Variants in SMOC1 observed in about 807,000 individuals in gnomAD.
SMOC1 encodes SPARC-related modular calcium-binding protein 1.
A neutral mutation model predicts 56.3 loss-of-function variants in SMOC1; 22 were observed. The observed-to-expected ratio is 0.39, with a 90% CI of 0.28 to 0.56. The LOEUF (loss-of-function observed/expected upper bound fraction) is 0.56. SMOC1 is among the 20% of genes least tolerant of loss of function. The pLI is 0.61. For missense variants in SMOC1, 509 were observed against 565.4 expected (o/e 0.90, Z 1.01); for synonymous variants, 193 against 215.0 (o/e 0.90, Z 0.89).
At chr14:69,934,433 C>T (rs561026680) in intron 1 of SMOC1, among the ~76,000 whole-genome samples, 3 of 152,260 alleles carry the variant, frequency 2.0e-5, no homozygotes, top group Admixed American at 6.5e-5. Flanking sequence ...CTCATATTTT[C>T]GTCCTGCTAT....
intron 1 of SMOC1, among the ~76,000 whole-genome samples, chr14:69,889,393 T>C (rs1301958968): frequency 6.6e-6 from 1 of 152,216 alleles, no homozygotes; most frequent in Admixed American, 6.5e-5. Flanking sequence ...AAGAATCATT[T>C]GCTTACCCCT....
At chr14:69,989,351 G>C (rs893982010) in intron 5 of SMOC1, among the ~76,000 whole-genome samples, 1 of 152,176 alleles carries the variant, frequency 6.6e-6, no homozygotes, top group Non-Finnish European at 1.5e-5. Flanking sequence ...TGAAATGTCT[G>C]TCAAAATATG....
At chr14:69,971,729 CATCA>C (rs1281584048) in intron 3 of SMOC1, among the ~76,000 whole-genome samples, 1 of 152,154 alleles carries the variant, frequency 6.6e-6, no homozygotes, top group African/African-American at 2.4e-5. Context: ...ATATAGAAAC[CATCA>C]ATTCAAAGAA....
intron 7 of SMOC1, among the ~76,000 whole-genome samples, chr14:70,002,199 G>A (rs759832298): frequency 1.3e-5 from 2 of 152,164 alleles, no homozygotes; most frequent in African/African-American, 2.4e-5. Flanking sequence ...GGGTCCTCCC[G>A]GGTCCCTTTG....
intron 1 of SMOC1, among the ~76,000 whole-genome samples, chr14:69,929,027 A>G (rs1885092122): frequency 6.6e-6 from 1 of 152,266 alleles, no homozygotes; most frequent in Admixed American, 6.5e-5. Context: ...ATCCCTCAGG[A>G]AGGTCTCTTC....
chr14:69,937,629 G>A (rs1282429498), intron 1 of SMOC1, among the ~76,000 whole-genome samples: 3 of 152,188 alleles, frequency 2.0e-5, no homozygotes, highest in South Asian at 2.1e-4. Context: ...TCTGAGCGAC[G>A]CAGTGGGGAT....
intron 3 of SMOC1, among the ~76,000 whole-genome samples, chr14:69,956,258 G>A (rs553971378): frequency 2.0e-5 from 3 of 152,302 alleles, no homozygotes; most frequent in Admixed American, 6.5e-5. Flanking sequence ...GCAGCCAGAC[G>A]GCCAGACAGC....
intron 10 of SMOC1, among the ~76,000 whole-genome samples, chr14:70,019,086 G>C (rs916828289): frequency 6.6e-6 from 1 of 152,248 alleles, no homozygotes; most frequent in African/African-American, 2.4e-5. Flanking sequence ...CCAAGGCCTG[G>C]TGGGGCTGAG....
At chr14:70,024,766 A>C (rs1380033681) in intron 11 of SMOC1, among the ~76,000 whole-genome samples, 1 of 152,234 alleles carries the variant, frequency 6.6e-6, no homozygotes, top group East Asian at 1.9e-4. Context: ...TTTTAAATTC[A>C]GGTGAAAGAC....
intron 1 of SMOC1, among the ~76,000 whole-genome samples, chr14:69,886,747 G>A (rs908171591): frequency 6.6e-6 from 1 of 152,128 alleles, no homozygotes; most frequent in Non-Finnish European, 1.5e-5. Context: ...TATTATCTGT[G>A]CCCCTGACAA....
intron 7 of SMOC1, among the ~76,000 whole-genome samples, chr14:69,999,933 AG>A (rs1461461781): frequency 6.6e-6 from 1 of 152,102 alleles, no homozygotes; most frequent in Non-Finnish European, 1.5e-5. Flanking sequence ...TGCACCAGCA[AG>A]GGTTCTGTTT....
intron 3 of SMOC1, among the ~76,000 whole-genome samples, chr14:69,956,944 G>T (rs1408138756): frequency 3.3e-5 from 5 of 151,818 alleles, no homozygotes; most frequent in Non-Finnish European, 7.4e-5. Flanking sequence ...GCCAATGTTT[G>T]ATCAAAGTTT....
chr14:70,025,489 C>G (rs1331826321), intron 11 of SMOC1, among the ~76,000 whole-genome samples: 1 of 152,124 alleles, frequency 6.6e-6, no homozygotes, highest in Non-Finnish European at 1.5e-5. Context: ...GCGGATGCTT[C>G]TCTGTTCCCA....
intron 5 of SMOC1, among the ~76,000 whole-genome samples, chr14:69,985,136 A>G (rs993562951): frequency 6.6e-6 from 1 of 152,214 alleles, no homozygotes; most frequent in South Asian, 2.1e-4. Context: ...AAATATGCAC[A>G]CAAGAAGAGG....
At chr14:69,970,496 A>G (rs1490147123) in intron 3 of SMOC1, among the ~76,000 whole-genome samples, 2 of 152,206 alleles carry the variant, frequency 1.3e-5, no homozygotes, top group East Asian at 3.9e-4. Flanking sequence ...AGCTTTGAAC[A>G]AATAACTTCT....
intron 1 of SMOC1, among the ~76,000 whole-genome samples, chr14:69,891,545 C>G (rs180789768): frequency 1.3e-5 from 2 of 152,152 alleles, no homozygotes; most frequent in East Asian, 3.9e-4. Flanking sequence ...AGTTGCAATC[C>G]CTCTTCCCTC....
At chr14:69,900,941 A>T (rs756907166) in intron 1 of SMOC1, among the ~76,000 whole-genome samples, 1 of 152,066 alleles carries the variant, frequency 6.6e-6, no homozygotes, top group Non-Finnish European at 1.5e-5. Flanking sequence ...TCGAGGACAG[A>T]TTTTTCTTAC....
chr14:69,908,285 G>A (rs1333520766), intron 1 of SMOC1, among the ~76,000 whole-genome samples: 1 of 152,192 alleles, frequency 6.6e-6, no homozygotes, highest in East Asian at 1.9e-4. Context: ...CATTTCCCTT[G>A]TGTAAAAGGA....
chr14:69,994,157 C>T, intron 6 of SMOC1: 2 of 574,908 alleles, frequency 3.5e-6, no homozygotes, highest in South Asian at 3.9e-5. Flanking sequence ...GTGCTCAGTG[C>T]CTCTGCATTC....
Sources: allele counts gnomAD v4.1 joint callset (sites outside exome capture counted in the v4.1 genomes callset), GRCh38; gene constraint gnomAD v4.1.1; transcripts MANE v1.5; gene names NCBI Gene and HGNC (gene_info 2026-07-23, HGNC 2026-07-21).